PLB1: variants seen among roughly 807,000 people sequenced by gnomAD.
PLB1 encodes phospholipase B1, also known as phospholipase B1, membrane-associated.
Under a neutral mutation model 227.4 loss-of-function variants are expected in PLB1, and 242 were observed. The observed-to-expected ratio is 1.06, with a 90% CI of 0.96 to 1.18. PLB1 has a LOEUF of 1.18. Ranked by LOEUF, PLB1 falls within the 50% of genes most tolerant of loss-of-function variation. PLB1 has a pLI of 0.00. For synonymous variants in PLB1, 757 were observed against 682.2 expected, an observed-to-expected ratio of 1.11 and a Z score of -1.71; for missense variants, 1,858 against 1,816.3, an observed-to-expected ratio of 1.02 and a Z score of -0.42.
At chr2:28,519,083 T>C (rs1669183228) in intron 3 of PLB1, among the ~76,000 whole-genome samples, 1 of 152,202 alleles carries the variant, frequency 6.6e-6, no homozygotes, top group Non-Finnish European at 1.5e-5. Context: ...TAAGGAAATG[T>C]CTTCTTTAGG....
Position 28,604,062 on chromosome 2 carries a change from G to A in PLB1, c.2856+15G>A, listed in dbSNP as rs537152677. 2 of 1,605,134 alleles carry A rather than the reference G, an allele frequency of 1.2e-6. No homozygotes were observed. The highest frequency in any genetic ancestry group is 1.3e-5 in the African/African-American group (1 of 74,836). On this transcript the variant is annotated intron_variant, in intron 40 of 57. Transcript: ENST00000327757. Reference sequence around the variant, plus strand: ...GAGCCTACCGGGTAAGACCAAGAAGGGCACCATGCTGTGTCCTCTCCCCTA... The same window carrying A: ...GAGCCTACCGGGTAAGACCAAGAAGAGCACCATGCTGTGTCCTCTCCCCTA...
At chr2:28,570,523 C>T (rs1488537398) in intron 20 of PLB1, among the ~76,000 whole-genome samples, 4 of 33,998 alleles carry the variant, frequency 1.2e-4, no homozygotes, top group Non-Finnish European at 7.6e-4. Context: ...CAGTGGCTCA[C>T]GCCTGTACTA....
intron 25 of PLB1, 136 bp from the exon 26 acceptor site, chr2:28,585,625 C>A: frequency 1.4e-6 from 1 of 734,238 alleles, no homozygotes; most frequent in Non-Finnish European, 2.3e-6. Context: ...GTCAGCCAGC[C>A]AGGCTCCTCA....
chr2:28,557,192 C>T (rs1048246634), intron 17 of PLB1, among the ~76,000 whole-genome samples: 1 of 152,166 alleles, frequency 6.6e-6, no homozygotes, highest in Non-Finnish European at 1.5e-5. Flanking sequence ...TTTCCCTGCC[C>T]TTTGGTTTTC....
intron 17 of PLB1, among the ~76,000 whole-genome samples, chr2:28,562,558 A>AAAAAAAAAAAAAAAAAAAAAG (rs1261725245): frequency 4.1e-5 from 6 of 147,654 alleles, no homozygotes; most frequent in Non-Finnish European, 7.5e-5. Context: ...AAAAAAAAAA[A>AAAAAAAAAAAAAAAAAAAAAG]AGTCAGTGGC....
intron 44 of PLB1, among the ~76,000 whole-genome samples, chr2:28,616,558 G>A (rs1471535088): frequency 2.0e-5 from 3 of 152,208 alleles, no homozygotes; most frequent in Non-Finnish European, 2.9e-5. Flanking sequence ...GGATGAGCAC[G>A]TTTCAATTCC....
In PLB1 at chr2:28,548,897, T is replaced by G. The variant is rs558992096; in HGVS notation, c.974T>G (p.Val325Gly). The G allele has an allele frequency of 6.2e-7, 1 of 1,614,064 alleles. No homozygotes were observed. The highest frequency in any genetic ancestry group is 1.3e-5 in the African/African-American group (1 of 75,018). The stretch of plus-strand genomic sequence containing the variant: ...GGAGAGAAAGATGAGCCATTGAGTG[T>G]AAAACACGGGAGGCCAATGAAGTGT... ...PAGEKDEPLS[V>G]KHGRPMKCPS... The change falls in exon 15 of 58, where the codon GTA becomes GGA. Residue 325 changes from valine (V) to glycine (G), a missense_variant. By Grantham distance (109) the Val-to-Gly change is moderately radical. Transcript: ENST00000327757.
intron 6 of PLB1, among the ~76,000 whole-genome samples, chr2:28,526,673 C>T (rs1347663304): frequency 6.6e-6 from 1 of 152,052 alleles, no homozygotes. Context: ...TAAGGGAAAC[C>T]ACTTCGCCGT....
At chr2:28,539,218 G>T (rs1243223811) in intron 11 of PLB1, 40 bp downstream of exon 11, 2 of 1,540,178 alleles carry the variant, frequency 1.3e-6, no homozygotes, top group Non-Finnish European at 9.0e-7. Context: ...TCTGTGACAC[G>T]GCTGTCACGT....
At position 28,497,687 on chromosome 2, in the gene PLB1, A is replaced by G. The variant is rs540897985; in HGVS notation, c.55+1518A>G. 3.3e-5 allele frequency among the ~76,000 whole-genome samples: 5 copies of G among 151,146 alleles called. No individual in the cohort carries two copies. In the South Asian group the frequency reaches 6.3e-4, roughly 19 times the overall value. On this transcript the variant is annotated intron_variant, in intron 1 of 57. Transcript: ENST00000327757. ...CTGTGGCTCAGAGTTCTGTTATCAT[A>G]TGTGGTCCCACCGTTGTCCATTTGT... is the stretch of plus-strand genomic sequence containing the variant.
At chr2:28,532,625 T>A (rs1278962637) in intron 9 of PLB1, among the ~76,000 whole-genome samples, 1 of 152,116 alleles carries the variant, frequency 6.6e-6, no homozygotes, top group Non-Finnish European at 1.5e-5. Context: ...ATAAGCTGAG[T>A]CAACAGTCAT....
chr2:28,632,148 G>A lies in PLB1; in HGVS notation c.4002+8G>A. Reference sequence around the variant, plus strand: ...CTCACCCCACTGAACGAGGTGAGCTGCAGGTATTTTAGGGAGGCTCACGTA... The same window carrying A: ...CTCACCCCACTGAACGAGGTGAGCTACAGGTATTTTAGGGAGGCTCACGTA... On this transcript the variant is annotated splice_region_variant and intron_variant, in intron 55 of 57. Coordinates refer to ENST00000327757, the MANE Select transcript of PLB1 (RefSeq NM_153021.5). The A allele has an allele frequency of 6.2e-7, 1 of 1,607,772 alleles. No homozygotes were observed.
intron 24 of PLB1, 54 bp downstream of exon 24, chr2:28,582,187 G>A (rs936563439): frequency 6.4e-7 from 1 of 1,567,714 alleles, no homozygotes; most frequent in Non-Finnish European, 8.8e-7. Context: ...CTAGCCTAGA[G>A]GAAGCTCTGG....
intron 25 of PLB1, 107 bp downstream of exon 25, chr2:28,582,612 C>T (rs1302619267): frequency 3.7e-6 from 3 of 807,114 alleles, no homozygotes; most frequent in Non-Finnish European, 6.0e-6. Flanking sequence ...TGTGAAAGGG[C>T]TGTGACCACC....
intron 42 of PLB1, among the ~76,000 whole-genome samples, 195 bp from the exon 43 acceptor site, chr2:28,606,301 C>T (rs2148306813): frequency 6.6e-6 from 1 of 152,320 alleles, no homozygotes; most frequent in East Asian, 1.9e-4. Flanking sequence ...GACGAGTCTC[C>T]AAGGAAGCTA....
chr2:28,589,739 C>A lies in PLB1; in HGVS notation c.1985C>A (p.Ser662Tyr). 6.2e-7 allele frequency: 1 copy of A among 1,613,994 alleles called. No individual in the cohort carries two copies. The highest frequency in any genetic ancestry group is 8.5e-7 in the Non-Finnish European group (1 of 1,179,990). The change falls in exon 28 of 58, where the codon TCC (serine) becomes TAC (tyrosine). Residue 662 changes from serine to tyrosine, a missense_variant. Coordinates refer to ENST00000327757, the MANE Select transcript of PLB1 (RefSeq NM_153021.5). ...TTCCACTTCAGCAGCAAGTCTCACTCCCGAGCAGCCAGTGCTCTCTGGAAC... is the reference window on the plus strand; with the variant it reads ...TTCCACTTCAGCAGCAAGTCTCACTACCGAGCAGCCAGTGCTCTCTGGAAC... ...DCFHFSSKSH[S>Y]RAASALWNNM...
chr2:28,524,846 T>C lies in PLB1; in HGVS notation c.244-421T>C, dbSNP rs55859050. Among the ~76,000 whole-genome samples the C allele has an allele frequency of 6.3e-3, 860 of 136,488 alleles. 3 individuals carry two copies. The highest frequency in any genetic ancestry group is 0.011 in the Non-Finnish European group (695 of 62,812). 89.5% of individuals were successfully genotyped at this position (136,488 alleles called of 152,430 possible). On this transcript the variant is annotated intron_variant, in intron 4 of 57. Transcript: ENST00000327757. ...CTGTAGGTTCTCTCTCTCTCTCTCT[T>C]TTTTTTTTTTTTTTTTTTTGAGACA...
chr2:28,513,220 G>A (rs918837599), intron 1 of PLB1, among the ~76,000 whole-genome samples: 1 of 152,200 alleles, frequency 6.6e-6, no homozygotes, highest in African/African-American at 2.4e-5. Context: ...TGCTCTGGCT[G>A]GTAGTATTTT....
intron 13 of PLB1, 146 bp from the exon 14 acceptor site, chr2:28,543,066 C>G: frequency 1.3e-6 from 1 of 771,564 alleles, no homozygotes; most frequent in East Asian, 2.9e-5. Context: ...CATAAGTGCC[C>G]CTGTTATTGA....
Sources: gnomAD v4.1 joint callset for allele counts (sites outside exome capture counted in the v4.1 genomes callset) on GRCh38, gnomAD v4.1.1 for gene constraint, MANE v1.5 for transcripts, NCBI Gene and HGNC (gene_info 2026-07-23, HGNC 2026-07-21) for gene names.